The following SFMBT2 variants were observed in gnomAD, a reference collection of about 807,000 sequenced individuals.
SFMBT2 encodes the protein Scm like with four mbt domains 2.
In SFMBT2, 38 loss-of-function variants were observed where a neutral mutation model predicts 110.1. That is an observed-to-expected ratio of 0.35 (90% CI 0.27 to 0.45). The LOEUF (loss-of-function observed/expected upper bound fraction) is 0.45. Among genes scored for constraint, SFMBT2 ranks in the 20% least tolerant of loss-of-function variants. The pLI is 1.00. For synonymous variants in SFMBT2, 425 were observed against 425.4 expected (o/e 1.00, Z 0.01); for missense variants, 1,011 against 1,094.9 (o/e 0.92, Z 1.08).
intron 4 of SFMBT2, among the ~76,000 whole-genome samples, chr10:7,327,768 T>G (rs1843439429): frequency 1.3e-5 from 2 of 152,186 alleles, no homozygotes; most frequent in Admixed American, 1.3e-4. Flanking sequence ...CATGATGCCT[T>G]CAAGATTATT....
At position 7,325,792 on chromosome 10, in the gene SFMBT2, A is replaced by G. The variant is rs887793323; in HGVS notation, c.437-39838T>C. On this transcript the variant is annotated intron_variant, in intron 4 of 20. Transcript: ENST00000397167. The stretch of plus-strand genomic sequence containing the variant: ...AGTGGCTGCTATCGGGTAACGGTTT[A>G]CTCTTTGGGATGATGAAAATGTTCT... 2.0e-5 allele frequency among the ~76,000 whole-genome samples: 3 copies of G among 152,122 alleles called. No homozygotes were observed. In the South Asian group the frequency reaches 6.2e-4, roughly 32 times the overall value.
intron 9 of SFMBT2, among the ~76,000 whole-genome samples, chr10:7,231,214 T>A (rs1186656649): frequency 6.6e-6 from 1 of 152,186 alleles, no homozygotes; most frequent in Non-Finnish European, 1.5e-5. Context: ...AATGATCCCA[T>A]CTGTCTGGGG....
chr10:7,281,690 TC>T (rs1841952912), intron 6 of SFMBT2, among the ~76,000 whole-genome samples: 1 of 152,210 alleles, frequency 6.6e-6, no homozygotes, highest in Non-Finnish European at 1.5e-5. Flanking sequence ...GAATCCAGTT[TC>T]CATCTTGAAA....
intron 7 of SFMBT2, among the ~76,000 whole-genome samples, chr10:7,267,218 G>A (rs1158311751): frequency 6.6e-6 from 1 of 152,136 alleles, no homozygotes; most frequent in Non-Finnish European, 1.5e-5. Context: ...TCCAGGAGGG[G>A]GCTCTGGAAG....
At position 7,227,735 on chromosome 10, in the gene SFMBT2, G is replaced by T. The variant is rs1262841954; in HGVS notation, c.1203+120C>A. ...GCTTTCCAAAAACTACAGACATTTT[G>T]TAGTTCTCCAGTGCACTGTAATACT... On this transcript the variant is annotated intron_variant, in intron 10 of 20. Coordinates refer to ENST00000397167, the MANE Select transcript of SFMBT2 (RefSeq NM_001387889.1). 5.1e-6 allele frequency: 4 copies of T among 782,270 alleles called. No homozygotes were observed. The East Asian group carries it at 1.1e-4, about 21-fold the overall frequency. 48.5% of individuals were successfully genotyped at this position (782,270 alleles called of 1,614,324 possible). A position where few individuals can be genotyped will look rare whatever the true frequency, so the allele number is the denominator to read the frequency against.
intron 9 of SFMBT2, among the ~76,000 whole-genome samples, chr10:7,239,591 T>C (rs1489989965): frequency 6.6e-6 from 1 of 152,182 alleles, no homozygotes; most frequent in Non-Finnish European, 1.5e-5. Flanking sequence ...TATACTGCAC[T>C]CTCACAAGAG....
At chr10:7,308,231 C>T (rs746702774) in intron 4 of SFMBT2, among the ~76,000 whole-genome samples, 64 of 152,144 alleles carry the variant, frequency 4.2e-4, no homozygotes, top group Admixed American at 3.1e-3. Context: ...TGGTGGTACA[C>T]GCCTCTAGTC....
chr10:7,402,393 T>C (rs967501883), intron 1 of SFMBT2, among the ~76,000 whole-genome samples: 2 of 151,992 alleles, frequency 1.3e-5, no homozygotes, highest in African/African-American at 2.4e-5. Context: ...AAATCAAATA[T>C]AGAGGAGGGT....
At chr10:7,345,139 C>T (rs1844068316) in intron 4 of SFMBT2, among the ~76,000 whole-genome samples, 1 of 151,906 alleles carries the variant, frequency 6.6e-6, no homozygotes, top group South Asian at 2.1e-4. Flanking sequence ...GAAACCACCA[C>T]AGAATCAGAA....
rs1053620216 is a variant in SFMBT2 at position 7,301,487 on chromosome 10, G to A, written c.437-15533C>T. 6.6e-6 allele frequency among the ~76,000 whole-genome samples: 1 copy of A among 152,176 alleles called. No individual in the cohort carries two copies. Among genetic ancestry groups the A allele is most frequent in the African/African-American group, 2.4e-5 (1 of 41,448 alleles). Reference sequence around the variant, plus strand: ...GGCACGGAGGCCCACAGGCCTGAAGGGGCCTGGGCTGTATCTGCACACTCA... The same window carrying A: ...GGCACGGAGGCCCACAGGCCTGAAGAGGCCTGGGCTGTATCTGCACACTCA... On this transcript the variant is annotated intron_variant, in intron 4 of 20. Coordinates refer to ENST00000397167, the MANE Select transcript of SFMBT2 (RefSeq NM_001387889.1). The surrounding 1 kb of genome is among the most constrained non-coding windows in gnomAD (Gnocchi z 4.2).
rs558322357 is a variant in SFMBT2, at chr10:7,336,611, G to C, written c.436+31038C>G. The stretch of plus-strand genomic sequence containing the variant: ...CAAGGATGCAGTGAGCTATGATCAT[G>C]CCACTGCATTACAGCCTAGGTGACA... On this transcript the variant is annotated intron_variant, in intron 4 of 20. Coordinates refer to ENST00000397167, the MANE Select transcript of SFMBT2 (RefSeq NM_001387889.1). Among the ~76,000 whole-genome samples the C allele has an allele frequency of 1.4e-4, 21 of 152,228 alleles. No individual in the cohort carries two copies. In the South Asian group the frequency reaches 4.4e-3, roughly 32 times the overall value.
At chr10:7,176,943 A>G (rs1838081229) in intron 16 of SFMBT2, among the ~76,000 whole-genome samples, 1 of 151,994 alleles carries the variant, frequency 6.6e-6, no homozygotes, top group Non-Finnish European at 1.5e-5. Flanking sequence ...CTCAAGTGTA[A>G]AGGGAGCAAC....
At chr10:7,315,520 A>G (rs1842986360) in intron 4 of SFMBT2, among the ~76,000 whole-genome samples, 1 of 152,228 alleles carries the variant, frequency 6.6e-6, no homozygotes, top group East Asian at 1.9e-4. Context: ...CTCAGGCCTC[A>G]GGCTAGGACT....
chr10:7,246,442 C>T (rs942175628), intron 8 of SFMBT2, among the ~76,000 whole-genome samples: 3 of 149,210 alleles, frequency 2.0e-5, no homozygotes, highest in Admixed American at 6.7e-5. Context: ...TGAGAGAGGC[C>T]GGGTGCAGTG....
chr10:7,241,790 T>C (rs1332572217), intron 9 of SFMBT2, among the ~76,000 whole-genome samples: 1 of 152,206 alleles, frequency 6.6e-6, no homozygotes, highest in East Asian at 1.9e-4. Context: ...AGAAAATGTA[T>C]CTTAAAATTC....
intron 20 of SFMBT2, among the ~76,000 whole-genome samples, chr10:7,166,653 G>A (rs1837703380): frequency 6.6e-6 from 1 of 152,166 alleles, no homozygotes; most frequent in Non-Finnish European, 1.5e-5. Context: ...TTAACATATG[G>A]ATGCAGAGCT....
At chr10:7,385,162 G>C (rs117470180) in intron 1 of SFMBT2, among the ~76,000 whole-genome samples, 3 of 152,140 alleles carry the variant, frequency 2.0e-5, no homozygotes, top group Non-Finnish European at 4.4e-5. Flanking sequence ...ATACCCAAGC[G>C]TCCACTGAGA....
Position 7,395,014 on chromosome 10 carries a change from G to C in SFMBT2, c.-51-13065C>G, listed in dbSNP as rs150197688. Among the ~76,000 whole-genome samples, 401 of 152,306 alleles carry C rather than the reference G, an allele frequency of 2.6e-3. 6 individuals are homozygous for C. Among genetic ancestry groups the C allele is most frequent in the African/African-American group, 9.3e-3 (388 of 41,560 alleles). On this transcript the variant is annotated intron_variant, in intron 1 of 20. Transcript: ENST00000397167. ...CCTATTCTATTTCACCACTAGTGTA[G>C]GTGGGTAGAGAATGCTACGTTGGGC...
chr10:7,277,587 G>C (rs368701347), intron 6 of SFMBT2: 3 of 158,174 alleles, frequency 1.9e-5, no homozygotes, highest in South Asian at 2.0e-4. Flanking sequence ...GCAGTGGGAG[G>C]GGGGGCAAGA....
Sources: allele counts gnomAD v4.1 joint callset (sites outside exome capture counted in the v4.1 genomes callset), GRCh38; gene constraint gnomAD v4.1.1; non-coding constraint Gnocchi (gnomAD v3.1); transcripts MANE v1.5; gene names NCBI Gene and HGNC (gene_info 2026-07-23, HGNC 2026-07-21).